VAMP7: variants seen among roughly 807,000 people sequenced by gnomAD.
The protein encoded by VAMP7 is vesicle-associated membrane protein 7.
In VAMP7, 14 loss-of-function variants were observed where a neutral mutation model predicts 29.6. The observed-to-expected ratio is 0.47, with a 90% CI of 0.31 to 0.74. VAMP7 has a LOEUF of 0.74. VAMP7 is among the 30% of genes least tolerant of loss of function. The pLI is 0.05. For missense variants in VAMP7, 223 were observed against 262.4 expected, an observed-to-expected ratio of 0.85 and a Z score of 1.04; for synonymous variants, 95 against 88.1, an observed-to-expected ratio of 1.08 and a Z score of -0.44.
intron 5 of VAMP7, among the ~76,000 whole-genome samples, chrX:155,919,043 T>C (rs1272504658): frequency 3.3e-5 from 5 of 152,154 alleles, no homozygotes; most frequent in African/African-American, 9.7e-5. Context: ...GCAGTTTTGT[T>C]TTTTTGTTGA....
chrX:155,898,562 A>G (rs1183141247), intron 4 of VAMP7, among the ~76,000 whole-genome samples: 2 of 152,066 alleles, frequency 1.3e-5, no homozygotes, highest in Non-Finnish European at 2.9e-5. Flanking sequence ...CTTTTAAACT[A>G]TACGTAAACC....
intron 5 of VAMP7, among the ~76,000 whole-genome samples, chrX:155,902,331 T>C (rs1335164248): frequency 3.2e-4 from 49 of 151,760 alleles, no homozygotes; most frequent in Admixed American, 3.0e-3. Flanking sequence ...CAATTTGACT[T>C]CCTCTTTTCC....
intron 5 of VAMP7, among the ~76,000 whole-genome samples, chrX:155,919,063 A>T (rs1226603999): frequency 6.6e-6 from 1 of 152,078 alleles, no homozygotes; most frequent in Non-Finnish European, 1.5e-5. Context: ...AGTCCTTATC[A>T]GGTTTTGGTA....
chrX:155,895,518 A>G (rs1289015519), intron 2 of VAMP7, 105 bp from the exon 3 acceptor site: 29 of 741,924 alleles, frequency 3.9e-5, no homozygotes, highest in Non-Finnish European at 6.2e-5. Context: ...CGTAAGTAAT[A>G]TGGTGACATT....
intron 6 of VAMP7, among the ~76,000 whole-genome samples, chrX:155,931,424 C>T (rs1281412295): frequency 1.3e-5 from 2 of 152,126 alleles, no homozygotes; most frequent in South Asian, 2.1e-4. Context: ...GAGATGGTAT[C>T]TCATTGTGGT....
chrX:155,906,199 G>A (rs2066144022), intron 5 of VAMP7, among the ~76,000 whole-genome samples: 1 of 152,172 alleles, frequency 6.6e-6, no homozygotes, highest in Admixed American at 6.5e-5. Flanking sequence ...GCCTAAGGAA[G>A]TCTTAGCAAA....
chrX:155,935,574 C>T (rs773967038), intron 6 of VAMP7, among the ~76,000 whole-genome samples: 2 of 152,210 alleles, frequency 1.3e-5, no homozygotes, highest in South Asian at 2.1e-4. Context: ...GACTTGTCTA[C>T]ATTGGTTATT....
intron 5 of VAMP7, among the ~76,000 whole-genome samples, chrX:155,903,154 C>G (rs944220102): frequency 1.3e-5 from 2 of 151,946 alleles, no homozygotes; most frequent in African/African-American, 2.4e-5. Context: ...AGTTTATTTG[C>G]GTAGAGGTGT....
chrX:155,914,680 G>A (rs1324830460), intron 5 of VAMP7, among the ~76,000 whole-genome samples: 2 of 152,160 alleles, frequency 1.3e-5, no homozygotes, highest in Admixed American at 1.3e-4. Context: ...ATTTGCGTAT[G>A]TTGAACCAGT....
chrX:155,889,319 A>T, intron 1 of VAMP7, 139 bp from the exon 2 acceptor site: 1 of 1,234,648 alleles, frequency 8.1e-7, no homozygotes, highest in Non-Finnish European at 1.1e-6. Context: ...GCCTGCTCTT[A>T]AGTCTGTTGT....
chrX:155,882,068 T>C (rs1241945934), intron 1 of VAMP7, among the ~76,000 whole-genome samples: 3 of 151,736 alleles, frequency 2.0e-5, no homozygotes, highest in East Asian at 1.9e-4. Context: ...ACCAACCAAC[T>C]GTCTTCATTT....
intron 6 of VAMP7, among the ~76,000 whole-genome samples, chrX:155,929,471 G>T (rs1004456982): frequency 2.0e-5 from 3 of 152,098 alleles, no homozygotes; most frequent in Non-Finnish European, 1.5e-5. Context: ...TGTGTGGGGG[G>T]TGTGACTGAA....
chrX:155,892,934 G>T, intron 2 of VAMP7, among the ~76,000 whole-genome samples: 1 of 151,902 alleles, frequency 6.6e-6, no homozygotes. Context: ...TGTATTTTTA[G>T]TAGAGATGGG....
intron 6 of VAMP7, among the ~76,000 whole-genome samples, chrX:155,926,482 C>T (rs186083242): frequency 1.6e-4 from 25 of 152,344 alleles, no homozygotes; most frequent in African/African-American, 5.8e-4. Flanking sequence ...TTCCTCGCCT[C>T]TCTCAGCCTT....
rs2066756580 is a variant in VAMP7, at chrX:155,942,243, TTTAA to T, written c.*295_*298del. On this transcript the variant is annotated 3_prime_UTR_variant, in exon 8 of 8. Transcript: ENST00000286448. ...ATCTATTTAGAGAAACATTTTTGTTTTTAATTGCTCAAAGCTGTCGCCGCTAGTC... is the reference window on the plus strand; with the variant it reads ...ATCTATTTAGAGAAACATTTTTGTTTTTGCTCAAAGCTGTCGCCGCTAGTC... 2.0e-5 allele frequency: 29 copies of T among 1,424,458 alleles called. No individual in the cohort carries two copies. The highest frequency in any genetic ancestry group is 1.8e-4 in the Middle Eastern group (1 of 5,506). The allele number at this position is 1,424,458 out of a possible 1,614,324, so 88.2% of individuals were successfully genotyped here.
At chrX:155,929,880 G>A (rs1174166458) in intron 6 of VAMP7, among the ~76,000 whole-genome samples, 1 of 152,092 alleles carries the variant, frequency 6.6e-6, no homozygotes, top group East Asian at 1.9e-4. Context: ...CAAGTTTGGG[G>A]ATTCCCCAAA....
At chrX:155,898,886 T>A (rs2066022872) in intron 4 of VAMP7, among the ~76,000 whole-genome samples, 1 of 152,126 alleles carries the variant, frequency 6.6e-6, no homozygotes, top group Non-Finnish European at 1.5e-5. Flanking sequence ...TTTCTGTAAA[T>A]GGAATCATAC....
At chrX:155,920,799 TAGTA>T (rs2066384207) in intron 6 of VAMP7, among the ~76,000 whole-genome samples, 1 of 152,204 alleles carries the variant, frequency 6.6e-6, no homozygotes, top group African/African-American at 2.4e-5. Context: ...ATTTGATACA[TAGTA>T]AGAGCTATTT....
intron 6 of VAMP7, among the ~76,000 whole-genome samples, chrX:155,935,866 A>T (rs1252517777): frequency 4.6e-5 from 7 of 152,104 alleles, no homozygotes; most frequent in African/African-American, 1.7e-4. Context: ...GGTGACATAC[A>T]GATGGGGTTT....
Sources: allele counts gnomAD v4.1 joint callset (sites outside exome capture counted in the v4.1 genomes callset), GRCh38; gene constraint gnomAD v4.1.1; transcripts MANE v1.5; gene names NCBI Gene and HGNC (gene_info 2026-07-23, HGNC 2026-07-21).